The following FHOD3 variants were observed in gnomAD, a reference collection of about 807,000 sequenced individuals.
FHOD3 encodes the protein FH1/FH2 domain-containing protein 3.
In FHOD3, 90 loss-of-function variants were observed where a neutral mutation model predicts 173.0. The observed-to-expected ratio is 0.52, with a 90% CI of 0.44 to 0.62. The LOEUF is 0.62. Ranked by LOEUF, FHOD3 falls within the 20% of genes least tolerant of loss-of-function variation. The pLI, the probability that FHOD3 is intolerant of heterozygous loss-of-function variation, is 0.00. For synonymous variants in FHOD3, 828 were observed against 823.0 expected (o/e 1.01, Z -0.10); for missense variants, 1,945 against 2,034.7 (o/e 0.96, Z 0.85).
intron 5 of FHOD3, among the ~76,000 whole-genome samples, chr18:36,571,276 C>T (rs535592970): frequency 1.3e-5 from 2 of 152,094 alleles, no homozygotes; most frequent in Non-Finnish European, 2.9e-5. Context: ...GTAATAGCTC[C>T]AAAGAATGTG....
At chr18:36,625,878 T>G (rs1261736962) in intron 10 of FHOD3, 129 bp downstream of exon 10, 1 of 756,082 alleles carries the variant, frequency 1.3e-6, no homozygotes, top group Non-Finnish European at 2.0e-6. Context: ...CTACCTCTTC[T>G]TGACCATTAA....
chr18:36,423,179 C>A (rs545905534), intron 3 of FHOD3, among the ~76,000 whole-genome samples: 9 of 152,058 alleles, frequency 5.9e-5, no homozygotes, highest in African/African-American at 1.9e-4. Context: ...GCTATGAATT[C>A]AAAATTTTTA....
At chr18:36,375,188 GAA>G (rs1568188753) in intron 3 of FHOD3, among the ~76,000 whole-genome samples, 4 of 152,160 alleles carry the variant, frequency 2.6e-5, no homozygotes, top group Admixed American at 1.3e-4. Context: ...TATGGATAAA[GAA>G]AACAATACCC....
intron 1 of FHOD3, among the ~76,000 whole-genome samples, chr18:36,316,479 G>A (rs577796042): frequency 2.6e-5 from 4 of 152,354 alleles, no homozygotes; most frequent in South Asian, 4.1e-4. Context: ...GATGGATAGC[G>A]AGGTCACCTC....
In FHOD3 at chr18:36,353,397, G is replaced by A. The variant is rs532879445; in HGVS notation, c.166-2142G>A. Among the ~76,000 whole-genome samples the A allele has an allele frequency of 2.0e-5, 3 of 152,330 alleles. No individual in the cohort carries two copies. In the South Asian group the frequency reaches 6.2e-4, roughly 32 times the overall value. On this transcript the variant is annotated intron_variant, in intron 1 of 28. Transcript: ENST00000590592. ...CAAGAATTAACAGCCTGTTATAGAT[G>A]CTGCTTCTAAACAAGATGACAGTTT...
chr18:36,471,291 C>A (rs974598654), intron 3 of FHOD3, among the ~76,000 whole-genome samples: 2 of 152,106 alleles, frequency 1.3e-5, no homozygotes, highest in African/African-American at 4.8e-5. Flanking sequence ...CTCCCTGAGG[C>A]CCCACACCCC....
At chr18:36,580,574 A>G (rs2058813186) in intron 6 of FHOD3, among the ~76,000 whole-genome samples, 1 of 152,246 alleles carries the variant, frequency 6.6e-6, no homozygotes, top group South Asian at 2.1e-4. Flanking sequence ...GAAAGTTAAC[A>G]AAGGCAGTAG....
chr18:36,561,113 A>C (rs1429100285), intron 5 of FHOD3, among the ~76,000 whole-genome samples: 2 of 152,148 alleles, frequency 1.3e-5, no homozygotes, highest in Non-Finnish European at 2.9e-5. Context: ...CCTATTAAGA[A>C]TTTATGGTCT....
chr18:36,546,295 C>T (rs1766508957), intron 5 of FHOD3, among the ~76,000 whole-genome samples: 1 of 152,108 alleles, frequency 6.6e-6, no homozygotes, highest in South Asian at 2.1e-4. Flanking sequence ...GCACCTTGGC[C>T]TTTTTTATTC....
chr18:36,608,178 A>AT (rs1174311281), intron 8 of FHOD3, among the ~76,000 whole-genome samples: 2 of 152,256 alleles, frequency 1.3e-5, no homozygotes, highest in African/African-American at 4.8e-5. Context: ...TTGTGTTGCT[A>AT]TAACAGAATA....
chr18:36,500,331 T>C (rs1214505770), intron 3 of FHOD3, among the ~76,000 whole-genome samples: 5 of 152,180 alleles, frequency 3.3e-5, no homozygotes, highest in African/African-American at 1.2e-4. Context: ...TCTCTCTCAG[T>C]GGGGGCCTAT....
chr18:36,554,473 C>A (rs907766737), intron 5 of FHOD3, among the ~76,000 whole-genome samples: 1 of 103,154 alleles, frequency 9.7e-6, no homozygotes, highest in Non-Finnish European at 1.8e-5. Context: ...ACATCACACA[C>A]TGGGGCCTGT....
At chr18:36,669,229 C>T (rs920898539) in intron 14 of FHOD3, among the ~76,000 whole-genome samples, 4 of 151,654 alleles carry the variant, frequency 2.6e-5, no homozygotes, top group African/African-American at 9.7e-5. Context: ...TGGTAACATA[C>T]TTGATTCTTA....
At chr18:36,751,911 G>A (rs1037635544) in intron 24 of FHOD3, among the ~76,000 whole-genome samples, 1 of 152,102 alleles carries the variant, frequency 6.6e-6, no homozygotes, top group African/African-American at 2.4e-5. Context: ...GTTATTAGTC[G>A]ATTCTCATGC....
chr18:36,752,019 C>T (rs1283069759), intron 24 of FHOD3, among the ~76,000 whole-genome samples: 2 of 152,188 alleles, frequency 1.3e-5, no homozygotes, highest in East Asian at 1.9e-4. Context: ...AGGAAACTTA[C>T]AATCACAGTG....
intron 5 of FHOD3, among the ~76,000 whole-genome samples, chr18:36,556,290 T>G (rs2057881069): frequency 6.6e-6 from 1 of 152,190 alleles, no homozygotes; most frequent in South Asian, 2.1e-4. Context: ...TTTTTTTCAG[T>G]AAATACAGTT....
Position 36,652,942 on chromosome 18 carries a change from A to G in FHOD3, c.1646+13A>G. 2 of 1,521,378 alleles carry G rather than the reference A, an allele frequency of 1.3e-6. No individual in the cohort carries two copies. Among genetic ancestry groups the G allele is most frequent in the East Asian group, 2.5e-5 (1 of 40,652 alleles). 94.2% of individuals were successfully genotyped at this position (1,521,378 alleles called of 1,614,324 possible). ...AGAAGGAAAACAGGTAGATTTGCTC[A>G]CCTGGAGGCTTGTTTGAGATTAACT... On this transcript the variant is annotated intron_variant, in intron 12 of 28. Coordinates refer to ENST00000590592, the MANE Select transcript of FHOD3 (RefSeq NM_001281740.3).
At chr18:36,480,244 C>T (rs2053812315) in intron 3 of FHOD3, among the ~76,000 whole-genome samples, 1 of 152,212 alleles carries the variant, frequency 6.6e-6, no homozygotes, top group South Asian at 2.1e-4. Flanking sequence ...CATCCCACAC[C>T]TTGCCTCGTC....
At chr18:36,743,441 T>C (rs1157294856) in intron 22 of FHOD3, among the ~76,000 whole-genome samples, 2 of 151,980 alleles carry the variant, frequency 1.3e-5, no homozygotes, top group African/African-American at 4.8e-5. Context: ...AAACTTGACA[T>C]TGGAAAACTT....
Sources: allele counts gnomAD v4.1 joint callset (sites outside exome capture counted in the v4.1 genomes callset), GRCh38; gene constraint gnomAD v4.1.1; transcripts MANE v1.5; gene names NCBI Gene and HGNC (gene_info 2026-07-23, HGNC 2026-07-21).